The following LOXHD1 variants were observed in gnomAD, a reference collection of about 807,000 sequenced individuals.
The protein encoded by LOXHD1 is lipoxygenase homology domain-containing protein 1.
A neutral mutation model predicts 248.2 loss-of-function variants in LOXHD1; 205 were observed. The ratio of observed to expected loss-of-function variants is 0.83; its 90% confidence interval spans 0.74 to 0.93. The LOEUF is 0.93. Among genes scored for constraint, LOXHD1 ranks in the 40% least tolerant of loss-of-function variants. The pLI, the probability that LOXHD1 is intolerant of heterozygous loss-of-function variation, is 0.00. For synonymous variants in LOXHD1, 1,113 were observed against 1,162.8 expected (o/e 0.96, Z 0.87); for missense variants, 2,930 against 2,971.6 (o/e 0.99, Z 0.33).
In LOXHD1 at chr18:46,602,316, G is replaced by A. The variant is rs1222853157; in HGVS notation, c.884-849C>T. Among the ~76,000 whole-genome samples, 7 of 152,072 alleles carry A rather than the reference G, an allele frequency of 4.6e-5. 1 individual carries two copies. The East Asian group carries it at 1.4e-3, about 29-fold the overall frequency. ...TACTTCCCAGGCTCAAGCGATTCTC[G>A]TGTCTCAGCCTCCTGAGTGGCTGGG... On this transcript the variant is annotated intron_variant, in intron 7 of 40. Transcript: ENST00000642948.
intron 21 of LOXHD1, chr18:46,555,511 C>T (rs543346117): frequency 4.1e-5 from 9 of 221,934 alleles, no homozygotes; most frequent in East Asian, 3.1e-4. Flanking sequence ...ATGGGAGAAC[C>T]CTGTCACCTC....
chr18:46,522,338 T>TA, intron 31 of LOXHD1, 29 bp from the exon 32 acceptor site: 1 of 1,535,720 alleles, frequency 6.5e-7, no homozygotes, highest in Non-Finnish European at 8.8e-7. Context: ...CTCAGGTTCA[T>TA]AACAGACCAG....
intron 13 of LOXHD1, among the ~76,000 whole-genome samples, 176 bp from the exon 14 acceptor site, chr18:46,578,043 C>T (rs745743259): frequency 6.6e-6 from 1 of 152,196 alleles, no homozygotes; most frequent in Non-Finnish European, 1.5e-5. Context: ...CCCCCAATTT[C>T]TTCCACTGGA....
chr18:46,642,488 G>A (rs1365043644), intron 2 of LOXHD1, among the ~76,000 whole-genome samples: 1 of 152,196 alleles, frequency 6.6e-6, no homozygotes, highest in African/African-American at 2.4e-5. Context: ...GGGAAAAGTT[G>A]CAATGGCAGC....
intron 4 of LOXHD1, among the ~76,000 whole-genome samples, chr18:46,637,389 CT>C: frequency 6.6e-6 from 1 of 152,328 alleles, no homozygotes; most frequent in Non-Finnish European, 1.5e-5. Flanking sequence ...CTCATGATGA[CT>C]TTTCAGAGGC....
intron 37 of LOXHD1, among the ~76,000 whole-genome samples, chr18:46,498,952 A>T (rs544136119): frequency 1.6e-4 from 25 of 152,342 alleles, no homozygotes; most frequent in African/African-American, 5.5e-4. Flanking sequence ...CAGGGGAGAA[A>T]GATATATCTG....
At position 46,545,427 on chromosome 18, in the gene LOXHD1, A is replaced by C; in HGVS notation, c.3515-6T>G. 1 of 1,542,590 alleles carries C rather than the reference A, an allele frequency of 6.5e-7. No individual in the cohort carries two copies. The highest frequency in any genetic ancestry group is 8.8e-7 in the Non-Finnish European group (1 of 1,138,390). On this transcript the variant is annotated splice_region_variant and splice_polypyrimidine_tract_variant and intron_variant, in intron 22 of 40. Coordinates refer to ENST00000642948, the MANE Select transcript of LOXHD1 (RefSeq NM_001384474.1). ...TGAGAATGTGGTAGATTTATCTGCCAAGAGAATAGTATAGAGCAATGAATT... is the reference window on the plus strand; with the variant it reads ...TGAGAATGTGGTAGATTTATCTGCCCAGAGAATAGTATAGAGCAATGAATT...
At chr18:46,500,990 A>G (rs537905386) in intron 37 of LOXHD1, among the ~76,000 whole-genome samples, 1 of 152,260 alleles carries the variant, frequency 6.6e-6, no homozygotes, top group East Asian at 1.9e-4. Context: ...ATCATTATTT[A>G]AATTAATTAC....
intron 4 of LOXHD1, among the ~76,000 whole-genome samples, chr18:46,626,608 A>G (rs1416286100): frequency 6.6e-6 from 1 of 152,264 alleles, no homozygotes. Flanking sequence ...TAAGTGAAAC[A>G]ACATGGTTAT....
chr18:46,635,408 G>A (rs747287496), intron 4 of LOXHD1, among the ~76,000 whole-genome samples: 18 of 152,086 alleles, frequency 1.2e-4, no homozygotes, highest in Non-Finnish European at 2.1e-4. Context: ...CATGTCCTAC[G>A]CAAGGGGCAG....
At chr18:46,569,333 AGTGTGTGC>A (rs2037705258) in intron 16 of LOXHD1, 101 bp downstream of exon 16, 2 of 925,656 alleles carry the variant, frequency 2.2e-6, no homozygotes. Context: ...TATGTACATG[AGTGTGTGC>A]GTGTGTGTCT....
intron 26 of LOXHD1, among the ~76,000 whole-genome samples, chr18:46,535,438 C>G (rs1248778549): frequency 6.6e-6 from 1 of 151,996 alleles, no homozygotes. Context: ...AGCCCCTGAA[C>G]TGGGCGGGGG....
intron 34 of LOXHD1, among the ~76,000 whole-genome samples, chr18:46,510,388 G>A (rs762954390): frequency 6.6e-6 from 1 of 152,218 alleles, no homozygotes; most frequent in Non-Finnish European, 1.5e-5. Context: ...CAACTGTAAA[G>A]CAGTAGGCAA....
intron 29 of LOXHD1, among the ~76,000 whole-genome samples, 183 bp downstream of exon 29, chr18:46,528,994 G>A (rs2035944069): frequency 6.6e-6 from 1 of 152,096 alleles, no homozygotes; most frequent in African/African-American, 2.4e-5. Context: ...CAGGGTGGGT[G>A]CATCAGCTAG....
chr18:46,610,931 G>A lies in LOXHD1; in HGVS notation c.611-7C>T, dbSNP rs916137735. Reference sequence around the variant, plus strand: ...TTTTCTAGCCTACGCTCCCCTGTATGCACAGACATACAAAAGAAATTACAA... The same window carrying A: ...TTTTCTAGCCTACGCTCCCCTGTATACACAGACATACAAAAGAAATTACAA... On this transcript the variant is annotated splice_polypyrimidine_tract_variant and splice_region_variant and intron_variant, in intron 5 of 40. Transcript: ENST00000642948. The A allele has an allele frequency of 3.5e-5, 55 of 1,551,064 alleles. No homozygotes were observed. Among genetic ancestry groups the A allele is most frequent in the Middle Eastern group, 3.3e-4 (2 of 5,984 alleles).
rs1284814317 is a variant in LOXHD1, at chr18:46,541,838, T to C, written c.3851A>G (p.Asp1284Gly). ...PCGRWLAKNEDDGSIIRDLFH... is the reference protein window; with the variant it reads ...PCGRWLAKNEGDGSIIRDLFH... ...GAGGTCTCTGATGATGGACCCGTCG[T>C]CTTCGTTTTTGGCCAGCCAGCGGCC... Residue 1284 changes from aspartate to glycine, a missense_variant, in exon 25 of 41, where the codon GAC becomes GGC. Coordinates refer to ENST00000642948, the MANE Select transcript of LOXHD1 (RefSeq NM_001384474.1). The C allele has an allele frequency of 6.4e-7, 1 of 1,551,706 alleles. No individual in the cohort carries two copies. Among genetic ancestry groups the C allele is most frequent in the Non-Finnish European group, 8.7e-7 (1 of 1,146,996 alleles).
At chr18:46,605,269 G>A (rs182826358) in intron 6 of LOXHD1, among the ~76,000 whole-genome samples, 72 of 152,172 alleles carry the variant, frequency 4.7e-4, no homozygotes, top group African/African-American at 1.6e-3. Flanking sequence ...GGCTCACACC[G>A]TAATCCCAGC....
intron 4 of LOXHD1, among the ~76,000 whole-genome samples, chr18:46,633,104 A>G (rs2038847991): frequency 6.6e-6 from 1 of 152,246 alleles, no homozygotes; most frequent in Non-Finnish European, 1.5e-5. Context: ...CACTGTTAAA[A>G]TCACTTAATG....
In LOXHD1 at chr18:46,477,796, T is replaced by G; in HGVS notation, c.6498A>C (p.Pro2166=). ...YEVIVTTGYE[P]GAGTDANVFV... is the part of the protein sequence containing the mutation. Reference sequence around the variant, plus strand: ...AGACGTTGGCATCAGTGCCTGCCCCTGGCTCATAGCCTGTTGTCACGATGA... The same window carrying G: ...AGACGTTGGCATCAGTGCCTGCCCCGGGCTCATAGCCTGTTGTCACGATGA... Residue 2166 remains proline (P), a synonymous_variant, in exon 41 of 41, where the codon CCA becomes CCC. Coordinates refer to ENST00000642948, the MANE Select transcript of LOXHD1 (RefSeq NM_001384474.1). 3.9e-6 allele frequency: 6 copies of G among 1,551,872 alleles called. No homozygotes were observed. Among genetic ancestry groups the G allele is most frequent in the Non-Finnish European group, 5.2e-6 (6 of 1,147,036 alleles).
Sources: gnomAD v4.1 joint callset for allele counts (sites outside exome capture counted in the v4.1 genomes callset) on GRCh38, gnomAD v4.1.1 for gene constraint, MANE v1.5 for transcripts, NCBI Gene and HGNC (gene_info 2026-07-23, HGNC 2026-07-21) for gene names.